The following CADM1 variants were observed in gnomAD, a reference collection of about 807,000 sequenced individuals.
CADM1 encodes cell adhesion molecule 1.
Under a neutral mutation model 53.1 loss-of-function variants are expected in CADM1, and 15 were observed. The observed-to-expected ratio is 0.28, with a 90% CI of 0.19 to 0.44. The LOEUF (loss-of-function observed/expected upper bound fraction) is 0.44, where lower values mean the gene tolerates loss of function less well. Ranked by LOEUF, CADM1 falls within the 20% of genes least tolerant of loss-of-function variation. The pLI, the probability that CADM1 is intolerant of heterozygous loss-of-function variation, is 1.00. For synonymous variants in CADM1, 281 were observed against 243.0 expected, an observed-to-expected ratio of 1.16 and a Z score of -1.45; for missense variants, 434 against 611.3, an observed-to-expected ratio of 0.71 and a Z score of 3.06.
chr11:115,420,402 C>A (rs1270568093), intron 1 of CADM1, among the ~76,000 whole-genome samples: 2 of 152,174 alleles, frequency 1.3e-5, no homozygotes, highest in African/African-American at 4.8e-5. Flanking sequence ...ATAATTGACT[C>A]AGTCTGTTTT....
intron 10 of CADM1, 169 bp from the exon 11 acceptor site, chr11:115,178,944 G>A: frequency 5.6e-6 from 4 of 719,800 alleles, no homozygotes; most frequent in Non-Finnish European, 9.7e-6. Context: ...GACCTGTCCA[G>A]TGCTGAATCG....
At chr11:115,403,601 T>G (rs994196056) in intron 1 of CADM1, among the ~76,000 whole-genome samples, 6 of 152,302 alleles carry the variant, frequency 3.9e-5, no homozygotes, top group African/African-American at 1.4e-4. Context: ...TTTTTAATTT[T>G]TTTTGTTTTT....
chr11:115,355,266 A>G (rs780269598), intron 1 of CADM1, among the ~76,000 whole-genome samples: 3 of 152,236 alleles, frequency 2.0e-5, no homozygotes, highest in Non-Finnish European at 2.9e-5. Context: ...ACACTGTAGA[A>G]TACTATGCAG....
At chr11:115,447,114 G>T (rs1287880733) in intron 1 of CADM1, among the ~76,000 whole-genome samples, 1 of 152,084 alleles carries the variant, frequency 6.6e-6, no homozygotes, top group Non-Finnish European at 1.5e-5. Flanking sequence ...AGGACCAGCT[G>T]GAAGTGAACT....
intron 1 of CADM1, among the ~76,000 whole-genome samples, chr11:115,303,201 C>CT (rs1390506146): frequency 6.6e-6 from 1 of 151,958 alleles, no homozygotes; most frequent in African/African-American, 2.4e-5. Context: ...AAACGTTCAG[C>CT]ATATGAAGCT....
At chr11:115,502,357 C>CTTTT in intron 1 of CADM1, among the ~76,000 whole-genome samples, 1 of 58,406 alleles carries the variant, frequency 1.7e-5, no homozygotes, top group African/African-American at 6.9e-5. Flanking sequence ...TTTTTTTTTG[C>CTTTT]AGCCAATACA....
At chr11:115,438,680 T>TA (rs1175452893) in intron 1 of CADM1, among the ~76,000 whole-genome samples, 4 of 152,208 alleles carry the variant, frequency 2.6e-5, no homozygotes, top group Admixed American at 2.6e-4. Context: ...CTAATGATAC[T>TA]AATAAACTGT....
intron 1 of CADM1, among the ~76,000 whole-genome samples, chr11:115,448,246 C>T (rs965951787): frequency 9.2e-5 from 14 of 152,012 alleles, no homozygotes; most frequent in South Asian, 2.1e-4. Context: ...AGAATATGGG[C>T]GTATTTTGAC....
intron 5 of CADM1, among the ~76,000 whole-genome samples, chr11:115,220,958 T>C (rs895594058): frequency 6.6e-6 from 1 of 152,238 alleles, no homozygotes; most frequent in Admixed American, 6.5e-5. Context: ...ATTTTAATTA[T>C]GTTCATAAAT....
intron 1 of CADM1, among the ~76,000 whole-genome samples, chr11:115,262,000 C>T (rs963297305): frequency 3.3e-5 from 5 of 151,978 alleles, no homozygotes; most frequent in Admixed American, 2.0e-4. Context: ...AGGATGGTCT[C>T]GATCTCCTGA....
At position 115,276,487 on chromosome 11, in the gene CADM1, G is replaced by A. The variant is rs190704903; in HGVS notation, c.125-36067C>T. Among the ~76,000 whole-genome samples, 342 of 152,242 alleles carry A rather than the reference G, an allele frequency of 2.2e-3. 1 individual carries two copies. The highest frequency in any genetic ancestry group is 7.2e-3 in the African/African-American group (299 of 41,528). On this transcript the variant is annotated intron_variant, in intron 1 of 11. Coordinates refer to ENST00000331581, the MANE Select transcript of CADM1 (RefSeq NM_001301043.2). Reference sequence around the variant, plus strand: ...ACAGAGCCAAGTCAACAGACAAAGCGGCGTGGAGACAGATAGAAAAATATA... The same window carrying A: ...ACAGAGCCAAGTCAACAGACAAAGCAGCGTGGAGACAGATAGAAAAATATA...
rs575709293 is a variant in CADM1 at position 115,223,366 on chromosome 11, A to G, written c.722-5375T>C. On this transcript the variant is annotated intron_variant, in intron 5 of 11. Transcript: ENST00000331581. The stretch of plus-strand genomic sequence containing the variant: ...GATGTTGTTTGACCATTCCTTTTAG[A>G]TTTTTAGATGCCAGCTTCACAACTA... Among the ~76,000 whole-genome samples the G allele has an allele frequency of 6.6e-5, 10 of 152,286 alleles. No individual in the cohort carries two copies. In the South Asian group the frequency reaches 1.7e-3, roughly 25 times the overall value.
intron 1 of CADM1, among the ~76,000 whole-genome samples, chr11:115,425,007 G>A (rs938106598): frequency 4.6e-5 from 7 of 152,066 alleles, no homozygotes; most frequent in African/African-American, 4.8e-5. Context: ...AATGCACCCC[G>A]ATTCTGTAAA....
intron 1 of CADM1, among the ~76,000 whole-genome samples, chr11:115,456,844 A>G (rs984451276): frequency 5.9e-5 from 9 of 152,190 alleles, no homozygotes; most frequent in South Asian, 2.1e-4. Context: ...TGTTAAGATT[A>G]GGGACACTGG....
chr11:115,189,990 C>T (rs1690853531), intron 10 of CADM1, among the ~76,000 whole-genome samples: 1 of 152,198 alleles, frequency 6.6e-6, no homozygotes, highest in Admixed American at 6.5e-5. Context: ...TTAAGGACTG[C>T]ACCTCAATAG....
rs1939006755 is a variant in CADM1 at position 115,175,925 on chromosome 11, C to T, written c.*549G>A. On this transcript the variant is annotated 3_prime_UTR_variant, in exon 12 of 12. Transcript: ENST00000331581. ...GAATGCATTATGGATACACTAAATT[C>T]TGAACTATGAAATCTAAGCTGTGCT... is the stretch of plus-strand genomic sequence containing the variant. The T allele has an allele frequency of 9.9e-7, 1 of 1,008,804 alleles. No individual in the cohort carries two copies. The highest frequency in any genetic ancestry group is 1.2e-6 in the Non-Finnish European group (1 of 843,918). The allele number at this position is 1,008,804 out of a possible 1,614,324, so 62.5% of individuals were successfully genotyped here.
chr11:115,207,830 T>C (rs1018761953), intron 8 of CADM1, among the ~76,000 whole-genome samples: 13 of 152,186 alleles, frequency 8.5e-5, no homozygotes, highest in African/African-American at 3.1e-4. Flanking sequence ...AGGGTTAATA[T>C]ATGTAGGGCA....
chr11:115,416,600 T>G (rs1947603006), intron 1 of CADM1, among the ~76,000 whole-genome samples: 1 of 151,984 alleles, frequency 6.6e-6, no homozygotes, highest in Non-Finnish European at 1.5e-5. Context: ...TGGCTTATTT[T>G]CAGACTCAGC....
chr11:115,268,605 G>T (rs1757396313), intron 1 of CADM1, among the ~76,000 whole-genome samples: 2 of 152,256 alleles, frequency 1.3e-5, no homozygotes, highest in East Asian at 3.9e-4. Flanking sequence ...CACTATTGAG[G>T]GTAACCAGAG....
Sources: allele counts gnomAD v4.1 joint callset (sites outside exome capture counted in the v4.1 genomes callset), GRCh38; gene constraint gnomAD v4.1.1; transcripts MANE v1.5; gene names NCBI Gene and HGNC (gene_info 2026-07-23, HGNC 2026-07-21).